NELL1: variants seen among roughly 807,000 people sequenced by gnomAD.
NELL1 encodes neural EGFL like 1, also known as protein kinase C-binding protein NELL1.
A neutral mutation model predicts 107.4 loss-of-function variants in NELL1; 76 were observed. That is an observed-to-expected ratio of 0.71 (90% CI 0.59 to 0.86). The LOEUF (loss-of-function observed/expected upper bound fraction) is 0.86. NELL1 is among the 40% of genes least tolerant of loss of function. The probability of loss-of-function intolerance (pLI) is 0.00; values close to 1 mark genes in which losing one functional copy is unlikely to be tolerated. For synonymous variants in NELL1, 353 were observed against 341.2 expected (o/e 1.03, Z -0.38); for missense variants, 1,024 against 1,005.5 (o/e 1.02, Z -0.25).
chr11:21,320,406 TAGAG>T (rs1266796254), intron 14 of NELL1, among the ~76,000 whole-genome samples: 3 of 152,192 alleles, frequency 2.0e-5, no homozygotes, highest in East Asian at 1.9e-4. Context: ...ATCACCGTGA[TAGAG>T]AGGCACTAAC....
chr11:20,749,271 A>G (rs1856080346), intron 2 of NELL1, among the ~76,000 whole-genome samples: 1 of 152,088 alleles, frequency 6.6e-6, no homozygotes, highest in African/African-American at 2.4e-5. Flanking sequence ...AAAGAGCAAA[A>G]AAGTTCAATG....
intron 15 of NELL1, among the ~76,000 whole-genome samples, chr11:21,372,694 G>A (rs573771490): frequency 2.9e-4 from 44 of 151,794 alleles, no homozygotes; most frequent in African/African-American, 9.7e-4. Flanking sequence ...TCAGGGGGTG[G>A]TTTCACGAAT....
chr11:21,533,213 C>T (rs1470822284), intron 15 of NELL1, among the ~76,000 whole-genome samples: 1 of 152,120 alleles, frequency 6.6e-6, no homozygotes. Flanking sequence ...CTTGAGATGA[C>T]ATTACCCAGT....
chr11:21,200,606 T>C (rs1248438970), intron 13 of NELL1, among the ~76,000 whole-genome samples: 1 of 152,230 alleles, frequency 6.6e-6, no homozygotes, highest in Admixed American at 6.5e-5. Flanking sequence ...TGATGATAGT[T>C]TCTTTTGCTG....
At chr11:20,813,790 A>C (rs1857557691) in intron 3 of NELL1, among the ~76,000 whole-genome samples, 1 of 152,182 alleles carries the variant, frequency 6.6e-6, no homozygotes, top group African/African-American at 2.4e-5. Flanking sequence ...AAGTGGTATC[A>C]GCTTTCAGGG....
intron 15 of NELL1, among the ~76,000 whole-genome samples, chr11:21,472,106 G>A (rs544946671): frequency 6.6e-6 from 1 of 151,766 alleles, no homozygotes; most frequent in Non-Finnish European, 1.5e-5. Flanking sequence ...CCTTTGAGCT[G>A]TCTAAGCTCC....
At chr11:21,347,736 T>G (rs934189365) in intron 14 of NELL1, among the ~76,000 whole-genome samples, 1 of 152,192 alleles carries the variant, frequency 6.6e-6, no homozygotes, top group Admixed American at 6.5e-5. Context: ...GTCATTATTA[T>G]TAGTAAGAAT....
chr11:21,522,841 T>C lies in NELL1; in HGVS notation c.1646-11533T>C, dbSNP rs528711237. Among the ~76,000 whole-genome samples, 41 of 123,732 alleles carry C rather than the reference T, an allele frequency of 3.3e-4. 1 individual carries two copies. The East Asian group carries it at 5.5e-3, about 17-fold the overall frequency. 81.2% of individuals were successfully genotyped at this position (123,732 alleles called of 152,430 possible). A position where few individuals can be genotyped will look rare whatever the true frequency, so the allele number is the denominator to read the frequency against. ...ATCCTATTTTTTTCTTTTCTTTTTT[T>C]TTTTTTTTTTTTTTTTTGAGACGGA... On this transcript the variant is annotated intron_variant, in intron 15 of 19. Transcript: ENST00000357134.
chr11:21,270,279 G>A (rs898818388), intron 14 of NELL1, among the ~76,000 whole-genome samples: 8 of 151,944 alleles, frequency 5.3e-5, no homozygotes, highest in Non-Finnish European at 8.8e-5. Flanking sequence ...ACCCAACTAC[G>A]TGCTGTCTAC....
In NELL1 at chr11:20,783,770, C is replaced by T; in HGVS notation, c.275C>T (p.Thr92Ile). ...RNKSEFTILA[T>I]VQQKPSTSGV... ...AAGAGTGAATTCACCATTTTGGCCA[C>T]TGTACAGCAGAAGCCATCCACTTCA... The change falls in exon 3 of 20, where the codon ACT becomes ATT. Residue 92 changes from threonine (T) to isoleucine (I), a missense_variant. Thr to Ile is a moderately conservative substitution (Grantham distance 89). Transcript: ENST00000357134. 1 of 1,614,026 alleles carries T rather than the reference C, an allele frequency of 6.2e-7. No homozygotes were observed. Among genetic ancestry groups the T allele is most frequent in the Non-Finnish European group, 8.5e-7 (1 of 1,179,920 alleles).
At chr11:20,742,065 G>A (rs1215046553) in intron 2 of NELL1, among the ~76,000 whole-genome samples, 1 of 152,208 alleles carries the variant, frequency 6.6e-6, no homozygotes, top group Non-Finnish European at 1.5e-5. Flanking sequence ...CAGCGAAGGA[G>A]CATTGTTATT....
intron 14 of NELL1, among the ~76,000 whole-genome samples, chr11:21,331,521 G>T (rs1850272412): frequency 6.6e-6 from 1 of 152,048 alleles, no homozygotes; most frequent in Admixed American, 6.6e-5. Flanking sequence ...AGTTTTCTCA[G>T]AACTATCCTT....
intron 2 of NELL1, among the ~76,000 whole-genome samples, chr11:20,715,058 A>G (rs910355045): frequency 2.0e-5 from 3 of 152,032 alleles, no homozygotes; most frequent in African/African-American, 7.2e-5. Context: ...CCTGGCTAAC[A>G]TGGTGAAACC....
intron 15 of NELL1, among the ~76,000 whole-genome samples, chr11:21,515,671 A>G (rs1336959134): frequency 6.6e-6 from 1 of 152,114 alleles, no homozygotes; most frequent in African/African-American, 2.4e-5. Flanking sequence ...TAGCACATCC[A>G]TTACGGTTCC....
intron 13 of NELL1, among the ~76,000 whole-genome samples, chr11:21,199,867 A>T (rs1023094336): frequency 6.7e-6 from 1 of 148,756 alleles, no homozygotes; most frequent in African/African-American, 2.5e-5. Flanking sequence ...TCATTGTTCA[A>T]CTCCCGCTTA....
At chr11:21,018,032 C>T (rs1447763778) in intron 12 of NELL1, among the ~76,000 whole-genome samples, 1 of 152,084 alleles carries the variant, frequency 6.6e-6, no homozygotes, top group Non-Finnish European at 1.5e-5. Flanking sequence ...TTCTATCTTT[C>T]ATCCACGCCT....
At chr11:21,155,022 T>C (rs1258255544) in intron 13 of NELL1, among the ~76,000 whole-genome samples, 1 of 152,162 alleles carries the variant, frequency 6.6e-6, no homozygotes, top group Non-Finnish European at 1.5e-5. Flanking sequence ...GGTGAATGCA[T>C]TACTTCTGGT....
Position 21,435,507 on chromosome 11 carries a change from T to C in NELL1, c.1645+64559T>C, listed in dbSNP as rs942479534. On this transcript the variant is annotated intron_variant, in intron 15 of 19. Transcript: ENST00000357134. ...GTTTTTTGTTTTTTGTTTTTTGTTT[T>C]TTTTTACCATGAAGAGATGTTAGCT... is the stretch of plus-strand genomic sequence containing the variant. Among the ~76,000 whole-genome samples, 28 of 151,710 alleles carry C rather than the reference T, an allele frequency of 1.8e-4. 2 individuals are homozygous for C. Among genetic ancestry groups the C allele is most frequent in the Admixed American group, 1.8e-3 (28 of 15,216 alleles).
intron 12 of NELL1, among the ~76,000 whole-genome samples, chr11:21,084,428 T>G (rs1854341079): frequency 6.6e-6 from 1 of 152,204 alleles, no homozygotes; most frequent in Non-Finnish European, 1.5e-5. Context: ...TAATGAATAC[T>G]TTCTAAACAT....
Sources: allele counts gnomAD v4.1 joint callset (sites outside exome capture counted in the v4.1 genomes callset), GRCh38; gene constraint gnomAD v4.1.1; transcripts MANE v1.5; gene names NCBI Gene and HGNC (gene_info 2026-07-23, HGNC 2026-07-21).